Variants in SSUH2 observed in about 807,000 individuals in gnomAD.
SSUH2 encodes the protein ssu-2 homolog.
A neutral mutation model predicts 55.3 loss-of-function variants in SSUH2; 47 were observed. The observed-to-expected ratio is 0.85, with a 90% confidence interval of 0.67 to 1.08. The LOEUF is 1.08. Among genes scored for constraint, SSUH2 ranks in the 50% least tolerant of loss-of-function variants. The pLI is 0.00. For synonymous variants in SSUH2, 212 were observed against 191.5 expected (o/e 1.11, Z -0.89); for missense variants, 535 against 490.7 (o/e 1.09, Z -0.85).
At chr3:8,671,300 C>T (rs1362872254) in intron 4 of SSUH2, 3 of 171,508 alleles carry the variant, frequency 1.7e-5, no homozygotes, top group Non-Finnish European at 3.9e-5. Flanking sequence ...CGAATAATTT[C>T]ACAAGGTGTA....
intron 11 of SSUH2, among the ~76,000 whole-genome samples, chr3:8,620,473 C>T (rs151086067): frequency 4.6e-4 from 70 of 152,312 alleles, no homozygotes; most frequent in Admixed American, 1.1e-3. Flanking sequence ...GATATGTCTT[C>T]ATTAGCAGCA....
intron 4 of SSUH2, among the ~76,000 whole-genome samples, chr3:8,632,362 G>A (rs142733432): frequency 6.6e-6 from 1 of 152,306 alleles, no homozygotes; most frequent in African/African-American, 2.4e-5. Flanking sequence ...AGTTCCCCAT[G>A]AATTTATACA....
chr3:8,656,765 G>T (rs1285674756), intron 7 of SSUH2, among the ~76,000 whole-genome samples: 1 of 152,210 alleles, frequency 6.6e-6, no homozygotes, highest in Non-Finnish European at 1.5e-5. Flanking sequence ...CCTACAGGTG[G>T]GAAGTGGTGG....
chr3:8,667,676 T>C (rs1343918361), intron 5 of SSUH2, among the ~76,000 whole-genome samples: 1 of 152,242 alleles, frequency 6.6e-6, no homozygotes, highest in Non-Finnish European at 1.5e-5. Flanking sequence ...ATTAAGCCAT[T>C]GGCCACTGGG....
rs75723680 is a variant in SSUH2 at position 8,655,430 on chromosome 3, T to C, written c.-307+3495A>G. Among the ~76,000 whole-genome samples, 210 of 98,238 alleles carry C rather than the reference T, an allele frequency of 2.1e-3. 1 individual carries two copies. Among genetic ancestry groups the C allele is most frequent in the Middle Eastern group, 0.017 (3 of 172 alleles). The allele number at this position is 98,238 out of a possible 152,430, so 64.4% of individuals were successfully genotyped here. A position where few individuals can be genotyped will look rare whatever the true frequency, so the allele number is the denominator to read the frequency against. ...CCCCGGGTCTCAGTGTGTGGCCTCC[T>C]CAAGATCACAGTGGGTGGCCTCTTC... On this transcript the variant is annotated intron_variant, in intron 7 of 18. Transcript: ENST00000317371.
intron 3 of SSUH2, 142 bp from the exon 4 acceptor site, chr3:8,633,937 A>T (rs747475748): frequency 6.2e-7 from 1 of 1,613,948 alleles, no homozygotes; most frequent in Admixed American, 1.7e-5. Flanking sequence ...TGGGGAGGGC[A>T]TCTCCTGCAA....
intron 2 of SSUH2, 56 bp downstream of exon 2, chr3:8,635,703 C>T (rs1699813178): frequency 1.4e-6 from 2 of 1,440,620 alleles, no homozygotes; most frequent in Non-Finnish European, 1.9e-6. Flanking sequence ...GACATCCCAC[C>T]AACCAGCGTG....
chr3:8,678,639 C>A (rs1267684576), intron 2 of SSUH2, among the ~76,000 whole-genome samples: 2 of 61,534 alleles, frequency 3.3e-5, no homozygotes, highest in African/African-American at 5.7e-5. Flanking sequence ...TTGGGACCCC[C>A]ATCGCAGTGG....
At chr3:8,653,221 A>G (rs403412) in intron 7 of SSUH2, among the ~76,000 whole-genome samples, 102,722 of 152,212 alleles carry the variant, frequency 0.67, 34,952 homozygotes, top group East Asian at 0.83. Context: ...AAGAGGCAGG[A>G]GCCGCAGATG....
chr3:8,628,117 CA>C (rs1332114592), intron 7 of SSUH2, among the ~76,000 whole-genome samples: 1 of 152,114 alleles, frequency 6.6e-6, no homozygotes, highest in Non-Finnish European at 1.5e-5. Flanking sequence ...GCACTGGAGA[CA>C]GGGGGCTCCT....
intron 7 of SSUH2, among the ~76,000 whole-genome samples, chr3:8,628,905 G>C (rs1033893966): frequency 5.9e-5 from 9 of 152,338 alleles, no homozygotes; most frequent in African/African-American, 2.2e-4. Flanking sequence ...GCCCAGGCGG[G>C]AGTGCAGTGG....
At chr3:8,651,241 G>A (rs898933755) in intron 7 of SSUH2, among the ~76,000 whole-genome samples, 11 of 152,194 alleles carry the variant, frequency 7.2e-5, no homozygotes, top group African/African-American at 2.7e-4. Context: ...TTTGCAGAGG[G>A]GTTTCTGTCA....
At position 8,676,539 on chromosome 3, in the gene SSUH2, A is replaced by C. The variant is rs1575400921; in HGVS notation, c.-753+667T>G. On this transcript the variant is annotated intron_variant, in intron 3 of 18. Coordinates refer to the SSUH2 transcript ENST00000317371. Reference sequence around the variant, plus strand: ...CCATCTCACACGGGGGTGAATACTTACTGCCATATTGGGAGTAATATCAAC... The same window carrying C: ...CCATCTCACACGGGGGTGAATACTTCCTGCCATATTGGGAGTAATATCAAC... Among the ~76,000 whole-genome samples, 23 of 151,100 alleles carry C rather than the reference A, an allele frequency of 1.5e-4. 3 individuals are homozygous for C. In the South Asian group the frequency reaches 4.4e-3, roughly 29 times the overall value.
Position 8,679,119 on chromosome 3 carries a change from C to T in SSUH2, c.-901+586G>A, listed in dbSNP as rs1559569969. ...CTCTTTCCCCCCTGGCTCTTAGGACCCAAATTGCGGGGGGGAGGCACCCCC... is the reference window on the plus strand; with the variant it reads ...CTCTTTCCCCCCTGGCTCTTAGGACTCAAATTGCGGGGGGGAGGCACCCCC... On this transcript the variant is annotated intron_variant, in intron 2 of 18. Transcript: ENST00000317371. 5.6e-5 allele frequency among the ~76,000 whole-genome samples: 6 copies of T among 107,272 alleles called. 1 individual carries two copies. The highest frequency in any genetic ancestry group is 1.9e-4 in the African/African-American group (6 of 31,726). 70.4% of individuals were successfully genotyped at this position (107,272 alleles called of 152,430 possible).
intron 1 of SSUH2, among the ~76,000 whole-genome samples, chr3:8,643,477 A>G (rs988759112): frequency 2.6e-5 from 4 of 152,240 alleles, no homozygotes; most frequent in African/African-American, 9.6e-5. Context: ...ACAATTTCCA[A>G]TATATTAGAG....
At position 8,644,779 on chromosome 3, in the gene SSUH2, G is replaced by C. The variant is rs186138079; in HGVS notation, c.-21C>G. 5.5e-5 allele frequency: 84 copies of C among 1,535,802 alleles called. No homozygotes were observed. The East Asian group carries it at 8.6e-4, about 16-fold the overall frequency. Reference sequence around the variant, plus strand: ...TCCATGTTCCAGACGTCCTGCCAAAGAGATGTCTGCCCTTCGAGTGTGCTT... The same window carrying C: ...TCCATGTTCCAGACGTCCTGCCAAACAGATGTCTGCCCTTCGAGTGTGCTT... On this transcript the variant is annotated 5_prime_UTR_variant, in exon 1 of 12. Coordinates refer to ENST00000544814, the MANE Select transcript of SSUH2 (RefSeq NM_001256748.3).
chr3:8,634,628 G>T, intron 3 of SSUH2: 1 of 1,268,370 alleles, frequency 7.9e-7, no homozygotes, highest in Non-Finnish European at 1.0e-6. Context: ...TGACTCCCCG[G>T]AGGAAGCAGG....
chr3:8,674,171 CTGTT>C (rs1704954366), intron 3 of SSUH2, among the ~76,000 whole-genome samples: 1 of 152,122 alleles, frequency 6.6e-6, no homozygotes, highest in African/African-American at 2.4e-5. Context: ...AAATGCTGAC[CTGTT>C]TGTTAGCTGC....
chr3:8,657,182 A>G (rs1044422343), intron 7 of SSUH2, among the ~76,000 whole-genome samples: 3 of 152,138 alleles, frequency 2.0e-5, no homozygotes, highest in Non-Finnish European at 4.4e-5. Context: ...TGCCTGGCCC[A>G]CCACCCTGTT....
Sources: allele counts gnomAD v4.1 joint callset (sites outside exome capture counted in the v4.1 genomes callset), GRCh38; gene constraint gnomAD v4.1.1; transcripts MANE v1.5; gene names NCBI Gene and HGNC (gene_info 2026-07-23, HGNC 2026-07-21).